The following RGS6 variants were observed in gnomAD, a reference collection of about 807,000 sequenced individuals.
RGS6 encodes the protein regulator of G protein signaling 6, also known as regulator of G-protein signaling 6.
In RGS6, 30 loss-of-function variants were observed where a neutral mutation model predicts 78.5. The ratio of observed to expected loss-of-function variants is 0.38; its 90% CI spans 0.29 to 0.52. The LOEUF (loss-of-function observed/expected upper bound fraction) is 0.52, where lower values mean the gene tolerates loss of function less well. RGS6 is among the 20% of genes least tolerant of loss of function. The pLI, the probability that RGS6 is intolerant of heterozygous loss-of-function variation, is 0.85. For synonymous variants in RGS6, 206 were observed against 206.0 expected, an observed-to-expected ratio of 1.00 and a Z score of 0.00; for missense variants, 495 against 609.7, an observed-to-expected ratio of 0.81 and a Z score of 1.98.
At chr14:72,206,494 G>C (rs539972218) in intron 2 of RGS6, among the ~76,000 whole-genome samples, 23 of 152,188 alleles carry the variant, frequency 1.5e-4, no homozygotes, top group African/African-American at 5.5e-4. Flanking sequence ...CACACACACA[G>C]CATGTTTTCA....
rs1352038514 is a variant in RGS6, at chr14:72,035,165, A to G, written c.84+70290A>G. ...CGGCCTTGGAATGTATTCCCCATGTATAAGGGGGAACTGCTATATTGCTAT... is the reference window on the plus strand; with the variant it reads ...CGGCCTTGGAATGTATTCCCCATGTGTAAGGGGGAACTGCTATATTGCTAT... On this transcript the variant is annotated intron_variant, in intron 2 of 17. Coordinates refer to ENST00000553525, the MANE Select transcript of RGS6 (RefSeq NM_001204424.2). 3.9e-5 allele frequency among the ~76,000 whole-genome samples: 6 copies of G among 152,154 alleles called. No individual in the cohort carries two copies. The South Asian group carries it at 6.2e-4, about 16-fold the overall frequency.
At chr14:72,240,089 G>T (rs2052366536) in intron 2 of RGS6, among the ~76,000 whole-genome samples, 1 of 152,072 alleles carries the variant, frequency 6.6e-6, no homozygotes. Context: ...TAAAACCCAG[G>T]TCACATTGGG....
At chr14:72,179,259 T>A (rs146540171) in intron 2 of RGS6, among the ~76,000 whole-genome samples, 7 of 152,334 alleles carry the variant, frequency 4.6e-5, no homozygotes, top group African/African-American at 1.7e-4. Flanking sequence ...AATCTGCATA[T>A]GAGTGCCTGC....
chr14:72,121,411 T>C (rs1443460250), intron 2 of RGS6, among the ~76,000 whole-genome samples: 3 of 152,162 alleles, frequency 2.0e-5, no homozygotes, highest in Non-Finnish European at 4.4e-5. Context: ...GTGGCTTCCA[T>C]TGTAGGCCTG....
chr14:72,391,058 C>G (rs966094480), intron 3 of RGS6, among the ~76,000 whole-genome samples: 1 of 152,122 alleles, frequency 6.6e-6, no homozygotes, highest in African/African-American at 2.4e-5. Flanking sequence ...TATACTTAGG[C>G]AAATGCAAGC....
the RGS6 span, among the ~76,000 whole-genome samples, chr14:71,911,104 TAAAAA>T: frequency 6.6e-6 from 1 of 152,216 alleles, no homozygotes; most frequent in East Asian, 1.9e-4. Context: ...AGTGAAGGTG[TAAAAA>T]GCAAAGTCAA....
intron 2 of RGS6, among the ~76,000 whole-genome samples, chr14:72,132,614 G>A (rs931525280): frequency 1.3e-5 from 2 of 151,902 alleles, no homozygotes; most frequent in African/African-American, 4.8e-5. Flanking sequence ...TGTTGCATGT[G>A]TCAATCATTT....
chr14:72,189,541 C>T (rs1207567227), intron 2 of RGS6, among the ~76,000 whole-genome samples: 2 of 152,114 alleles, frequency 1.3e-5, no homozygotes, highest in Non-Finnish European at 2.9e-5. Context: ...AGGTGGCCGC[C>T]AGACACTCAT....
At chr14:71,905,437 A>G in the RGS6 span, among the ~76,000 whole-genome samples, 2 of 152,200 alleles carry the variant, frequency 1.3e-5, no homozygotes, top group Non-Finnish European at 2.9e-5. Context: ...CTGAAAATGT[A>G]TACTTAAACA....
the RGS6 span, among the ~76,000 whole-genome samples, chr14:71,875,181 C>T: frequency 2.0e-5 from 3 of 152,150 alleles, no homozygotes; most frequent in African/African-American, 4.8e-5. Context: ...GGAGGATTCC[C>T]TCTTTTTCTA....
At chr14:72,504,921 A>ATTTTTTT (rs34953560) in intron 13 of RGS6, among the ~76,000 whole-genome samples, 28 of 76,074 alleles carry the variant, frequency 3.7e-4, no homozygotes, top group African/African-American at 8.7e-4. Flanking sequence ...CGCCCAGCTA[A>ATTTTTTT]TTTTTTTTTT....
In RGS6 at chr14:72,409,124, G is replaced by A. The variant is rs149311317; in HGVS notation, c.185-45404G>A. On this transcript the variant is annotated intron_variant, in intron 3 of 17. Coordinates refer to ENST00000553525, the MANE Select transcript of RGS6 (RefSeq NM_001204424.2). ...TGAGGGGTCCCTCTTGTTCAGAGTCGAAAGATTCAAGTCAACAAAAATGGA... is the reference window on the plus strand; with the variant it reads ...TGAGGGGTCCCTCTTGTTCAGAGTCAAAAGATTCAAGTCAACAAAAATGGA... Among the ~76,000 whole-genome samples the A allele has an allele frequency of 2.5e-3, 387 of 152,218 alleles. 2 individuals carry two copies. Among genetic ancestry groups the A allele is most frequent in the Middle Eastern group, 0.014 (4 of 294 alleles).
At chr14:72,003,750 G>A (rs759539384) in intron 2 of RGS6, among the ~76,000 whole-genome samples, 2 of 152,134 alleles carry the variant, frequency 1.3e-5, no homozygotes, top group Non-Finnish European at 2.9e-5. Context: ...GGTAAAAGGA[G>A]AACGTGTACT....
the RGS6 span, among the ~76,000 whole-genome samples, chr14:72,600,275 C>G: frequency 6.2e-3 from 939 of 152,192 alleles, 11 homozygotes; most frequent in Non-Finnish European, 0.011. Context: ...ACAAAACACA[C>G]AGATGGCTGC....
chr14:72,396,269 G>T (rs536973606), intron 3 of RGS6, among the ~76,000 whole-genome samples: 1 of 152,150 alleles, frequency 6.6e-6, no homozygotes, highest in Non-Finnish European at 1.5e-5. Context: ...GTTTTGATTT[G>T]CATTTCTCTG....
intron 3 of RGS6, among the ~76,000 whole-genome samples, chr14:72,416,303 C>T (rs913596071): frequency 1.3e-5 from 2 of 152,098 alleles, no homozygotes; most frequent in South Asian, 2.1e-4. Flanking sequence ...TGTTCCTATC[C>T]CTCATGGACC....
chr14:72,068,309 A>G lies in RGS6; in HGVS notation c.84+103434A>G, dbSNP rs149513922. ...ACCACCACACCTAGCTAATTTTTGT[A>G]TTTTTTGCAGAGAGGGGGTTTTGCC... On this transcript the variant is annotated intron_variant, in intron 2 of 17. Coordinates refer to ENST00000553525, the MANE Select transcript of RGS6 (RefSeq NM_001204424.2). Among the ~76,000 whole-genome samples, 318 of 151,094 alleles carry G rather than the reference A, an allele frequency of 2.1e-3. 1 individual carries two copies. Among genetic ancestry groups the G allele is most frequent in the Non-Finnish European group, 3.2e-3 (218 of 67,764 alleles).
chr14:72,185,670 T>G (rs2097232739), intron 2 of RGS6, among the ~76,000 whole-genome samples: 1 of 152,232 alleles, frequency 6.6e-6, no homozygotes, highest in South Asian at 2.1e-4. Context: ...ACCAGCCAAG[T>G]GCTGTGGCTC....
At chr14:72,104,717 G>T (rs2095598698) in intron 2 of RGS6, among the ~76,000 whole-genome samples, 2 of 152,196 alleles carry the variant, frequency 1.3e-5, no homozygotes, top group Admixed American at 6.5e-5. Flanking sequence ...GAGAACTGAA[G>T]TTACCTGACA....
Sources: allele counts gnomAD v4.1 joint callset (sites outside exome capture counted in the v4.1 genomes callset), GRCh38; gene constraint gnomAD v4.1.1; transcripts MANE v1.5; gene names NCBI Gene and HGNC (gene_info 2026-07-23, HGNC 2026-07-21).